KCNJ9: variants seen among roughly 807,000 people sequenced by gnomAD.
KCNJ9 encodes G protein-activated inward rectifier potassium channel 3.
A neutral mutation model predicts 27.9 loss-of-function variants in KCNJ9; 18 were observed. That is an observed-to-expected ratio of 0.65 (90% confidence interval 0.45 to 0.96). The LOEUF is 0.96. KCNJ9 is among the 40% of genes least tolerant of loss of function. The pLI, the probability that KCNJ9 is intolerant of heterozygous loss-of-function variation, is 0.00. For synonymous variants in KCNJ9, 229 were observed against 248.2 expected, an observed-to-expected ratio of 0.92 and a Z score of 0.73; for missense variants, 324 against 557.5, an observed-to-expected ratio of 0.58 and a Z score of 4.22.
rs1320757139 is a variant in KCNJ9, at chr1:160,084,414, C to T, written c.384C>T (p.Ile128=). The stretch of plus-strand genomic sequence containing the variant: ...CCATCGGCTACGGGCACCGCGTCAT[C>T]ACCGACCAGTGCCCCGAGGGCATCG... ...ETTIGYGHRV[I]TDQCPEGIVL... Residue 128 remains isoleucine, a synonymous_variant, in exon 2 of 3, where the codon ATC becomes ATT. Coordinates refer to ENST00000368088, the MANE Select transcript of KCNJ9 (RefSeq NM_004983.3). 2 of 1,613,590 alleles carry T rather than the reference C, an allele frequency of 1.2e-6. No individual in the cohort carries two copies. The highest frequency in any genetic ancestry group is 4.5e-5 in the East Asian group (2 of 44,872).
Position 160,087,681 on chromosome 1 carries a change from T to C in KCNJ9, c.1046T>C (p.Leu349Pro). The C allele has an allele frequency of 7.9e-6, 11 of 1,387,954 alleles. No individual in the cohort carries two copies. The highest frequency in any genetic ancestry group is 1.1e-5 in the Non-Finnish European group (11 of 1,037,360). 86.0% of individuals were successfully genotyped at this position (1,387,954 alleles called of 1,614,324 possible). A position where few individuals can be genotyped will look rare whatever the true frequency, so the allele number is the denominator to read the frequency against. ...GCTGCCGCCCGCCTTGATGCCCATCTCTACTGGTCCATCCCCAGCCGGCTG... is the reference window on the plus strand; with the variant it reads ...GCTGCCGCCCGCCTTGATGCCCATCCCTACTGGTCCATCCCCAGCCGGCTG... ...AEAAARLDAHLYWSIPSRLDE... is the reference protein window; with the variant it reads ...AEAAARLDAHPYWSIPSRLDE... The change falls in exon 3 of 3, where the codon CTC (leucine) becomes CCC (proline). Residue 349 changes from leucine to proline, a missense_variant. Leu to Pro is a moderately conservative substitution (Grantham distance 98, BLOSUM62 -3). Around this residue, in one of 3 missense-constraint regions of KCNJ9, gnomAD observed 241 missense variants for 481.7 expected, o/e 0.50. Transcript: ENST00000368088.
rs1649679609 is a variant in KCNJ9 at position 160,081,653 on chromosome 1, C to A, written c.-159C>A. On this transcript the variant is annotated 5_prime_UTR_variant, in exon 1 of 3. Transcript: ENST00000368088. ...GGCGGTGTCAGGGGCATGGACGCCACCCCCCAGGGGTCTCTGCTGCCGGCT... is the reference window on the plus strand; with the variant it reads ...GGCGGTGTCAGGGGCATGGACGCCAACCCCCAGGGGTCTCTGCTGCCGGCT... 1 of 152,276 alleles carries A rather than the reference C, an allele frequency of 6.6e-6. No individual in the cohort carries two copies. Among genetic ancestry groups the A allele is most frequent in the South Asian group, 2.1e-4 (1 of 4,826 alleles). 9.4% of individuals were successfully genotyped at this position (152,276 alleles called of 1,614,324 possible). A position where few individuals can be genotyped will look rare whatever the true frequency, so the allele number is the denominator to read the frequency against.
At chr1:160,082,829 G>A (rs1649706158) in intron 1 of KCNJ9, among the ~76,000 whole-genome samples, 1 of 152,152 alleles carries the variant, frequency 6.6e-6, no homozygotes, top group South Asian at 2.1e-4. Flanking sequence ...GAAGGGCTCT[G>A]GACCTCTCTC....
intron 2 of KCNJ9, 67 bp from the exon 3 acceptor site, chr1:160,087,419 G>A: frequency 6.5e-7 from 1 of 1,528,066 alleles, no homozygotes; most frequent in Non-Finnish European, 8.8e-7. Flanking sequence ...GAGTAGGGTT[G>A]TGGAATGAGA....
chr1:160,087,383 G>A, intron 2 of KCNJ9, 103 bp from the exon 3 acceptor site: 1 of 1,414,182 alleles, frequency 7.1e-7, no homozygotes, highest in Non-Finnish European at 9.3e-7. Flanking sequence ...GGAGCCCTTA[G>A]GAAGGAATAG....
rs1251473048 is a variant in KCNJ9 at position 160,089,322 on chromosome 1, A to G, written c.*1505A>G. On this transcript the variant is annotated 3_prime_UTR_variant, in exon 3 of 3. Transcript: ENST00000368088. ...AAGGGACCCGAAGCCCAGGCTGAAG[A>G]GTTTAACTTTGGGCCCAGAAACTCA... is the stretch of plus-strand genomic sequence containing the variant. 6.6e-6 allele frequency: 1 copy of G among 152,262 alleles called. No homozygotes were observed. Among genetic ancestry groups the G allele is most frequent in the Non-Finnish European group, 1.5e-5 (1 of 68,096 alleles). The allele number at this position is 152,262 out of a possible 1,614,324, so 9.4% of individuals were successfully genotyped here.
rs1048215012 is a variant in KCNJ9, at chr1:160,088,543, G to A, written c.*726G>A. 1 of 152,700 alleles carries A rather than the reference G, an allele frequency of 6.5e-6. No homozygotes were observed. The highest frequency in any genetic ancestry group is 2.4e-5 in the African/African-American group (1 of 41,444). The allele number at this position is 152,700 out of a possible 1,614,324, so 9.5% of individuals were successfully genotyped here. On this transcript the variant is annotated 3_prime_UTR_variant, in exon 3 of 3. Coordinates refer to ENST00000368088, the MANE Select transcript of KCNJ9 (RefSeq NM_004983.3). ...GCAGAGCGGGGAGGTGCCTGAGCTG[G>A]GGCCTGGAGAGGGGCCTGGGAAAGG...
chr1:160,087,394 AAGGG>A, intron 2 of KCNJ9, 88 bp from the exon 3 acceptor site: 1 of 1,453,398 alleles, frequency 6.9e-7, no homozygotes, highest in African/African-American at 1.4e-5. Context: ...GAAGGAATAG[AAGGG>A]AGGGTGCTGG....
Position 160,084,169 on chromosome 1 carries a change from G to T in KCNJ9, c.139G>T (p.Asp47Tyr). The change falls in exon 2 of 3, where the codon GAC becomes TAC. Residue 47 changes from aspartate to tyrosine, a missense_variant. By Grantham distance (160) the Asp-to-Tyr change is radical. Coordinates refer to ENST00000368088, the MANE Select transcript of KCNJ9 (RefSeq NM_004983.3). ...GCGCGAGACATACCGCTACCTGACGGACCTGTTCACCACGCTGGTGGACCT... is the reference window on the plus strand; with the variant it reads ...GCGCGAGACATACCGCTACCTGACGTACCTGTTCACCACGCTGGTGGACCT... ...NVRETYRYLT[D>Y]LFTTLVDLQW... The T allele has an allele frequency of 6.2e-7, 1 of 1,603,852 alleles. No homozygotes were observed. The highest frequency in any genetic ancestry group is 8.5e-7 in the Non-Finnish European group (1 of 1,175,130).
intron 2 of KCNJ9, among the ~76,000 whole-genome samples, chr1:160,085,331 A>G (rs1341229934): frequency 6.6e-6 from 1 of 152,234 alleles, no homozygotes; most frequent in Non-Finnish European, 1.5e-5. Flanking sequence ...CCACTTTCCT[A>G]AGCCAATAAG....
intron 2 of KCNJ9, among the ~76,000 whole-genome samples, chr1:160,087,269 AGCT>A (rs1649792228): frequency 6.6e-6 from 1 of 152,112 alleles, no homozygotes; most frequent in African/African-American, 2.4e-5. Context: ...GGGAAAAAAG[AGCT>A]GGACATTAAG....
At chr1:160,082,546 G>T (rs1649701204) in intron 1 of KCNJ9, among the ~76,000 whole-genome samples, 3 of 152,082 alleles carry the variant, frequency 2.0e-5, no homozygotes, top group Admixed American at 6.6e-5. Context: ...GACTGCAGAG[G>T]ACCTCACCCC....
intron 2 of KCNJ9, among the ~76,000 whole-genome samples, chr1:160,085,741 C>G (rs1417770426): frequency 6.6e-6 from 1 of 152,176 alleles, no homozygotes; most frequent in Non-Finnish European, 1.5e-5. Flanking sequence ...GACTTGAGAT[C>G]TAGAGGATAG....
intron 2 of KCNJ9, among the ~76,000 whole-genome samples, chr1:160,085,990 T>C (rs1570946614): frequency 6.6e-6 from 1 of 151,940 alleles, no homozygotes; most frequent in African/African-American, 2.4e-5. Context: ...ACTCACCCCG[T>C]TCCCTTTCCT....
At position 160,083,938 on chromosome 1, in the gene KCNJ9, C is replaced by T; in HGVS notation, c.-93C>T. The T allele has an allele frequency of 1.7e-6, 2 of 1,147,390 alleles. No individual in the cohort carries two copies. The highest frequency in any genetic ancestry group is 2.2e-6 in the Non-Finnish European group (2 of 924,990). The allele number at this position is 1,147,390 out of a possible 1,614,324, so 71.1% of individuals were successfully genotyped here. On this transcript the variant is annotated 5_prime_UTR_variant, in exon 2 of 3. Transcript: ENST00000368088. ...TAAGCCCCTCCAGGACCCCCGACGC[C>T]GCCTAGGCGCCCAGCGACGCGCGGC... is the stretch of plus-strand genomic sequence containing the variant.
rs2494211 is a variant in KCNJ9, at chr1:160,088,822, C to T, written c.*1005C>T. The T allele has an allele frequency of 0.3, 45,887 of 152,130 alleles. 7,151 individuals carry two copies. The highest frequency in any genetic ancestry group is 0.33 in the Non-Finnish European group (22,385 of 68,046). The allele number at this position is 152,130 out of a possible 1,614,324, so 9.4% of individuals were successfully genotyped here. On this transcript the variant is annotated 3_prime_UTR_variant, in exon 3 of 3. Transcript: ENST00000368088. The stretch of plus-strand genomic sequence containing the variant: ...TGGTTCCTGTCCTCAAAATAAGGGG[C>T]ACCTGGGAAAACAGAGGAATCTACC...
intron 1 of KCNJ9, among the ~76,000 whole-genome samples, chr1:160,082,052 G>C (rs184278595): frequency 1.3e-5 from 2 of 152,322 alleles, no homozygotes; most frequent in East Asian, 3.9e-4. Context: ...CAGGATGTGG[G>C]ACACATTCAA....
rs1274714066 is a variant in KCNJ9 at position 160,084,707 on chromosome 1, C to T, written c.677C>T (p.Thr226Ile). Reference sequence around the variant, plus strand: ...GGCGAGTTCATCCCGCTGCACCAGACCGACCTCAGCGTGGGCTTCGACACG... The same window carrying T: ...GGCGAGTTCATCCCGCTGCACCAGATCGACCTCAGCGTGGGCTTCGACACG... ...LEGEFIPLHQ[T>I]DLSVGFDTGD... Residue 226 changes from threonine (T) to isoleucine (I), a missense_variant, in exon 2 of 3, where the codon ACC becomes ATC. Transcript: ENST00000368088. The T allele has an allele frequency of 6.3e-7, 1 of 1,590,786 alleles. No homozygotes were observed. Among genetic ancestry groups the T allele is most frequent in the South Asian group, 1.1e-5 (1 of 88,028 alleles).
At chr1:160,082,651 T>C (rs1244321724) in intron 1 of KCNJ9, among the ~76,000 whole-genome samples, 2 of 152,198 alleles carry the variant, frequency 1.3e-5, no homozygotes, top group Non-Finnish European at 2.9e-5. Context: ...CTGTGGTTCC[T>C]ATGGCACACT....
Sources: allele counts gnomAD v4.1 joint callset (sites outside exome capture counted in the v4.1 genomes callset), GRCh38; gene constraint gnomAD v4.1.1; regional missense constraint gnomAD v4.1.1; transcripts MANE v1.5; gene names NCBI Gene and HGNC (gene_info 2026-07-23, HGNC 2026-07-21).